GRIK4: variants seen among roughly 807,000 people sequenced by gnomAD.
GRIK4 encodes glutamate receptor ionotropic, kainate 4.
GRIK4 carries 40 observed loss-of-function variants against 104.9 expected under a neutral mutation model. That is an observed-to-expected ratio of 0.38 (90% CI 0.30 to 0.50). The LOEUF is 0.50. Ranked by LOEUF, GRIK4 falls within the 20% of genes least tolerant of loss-of-function variation. GRIK4 has a pLI of 0.93. For synonymous variants in GRIK4, 485 were observed against 524.9 expected (o/e 0.92, Z 1.04); for missense variants, 1,047 against 1,308.1 (o/e 0.80, Z 3.08).
chr11:120,774,060 A>G (rs959532216), intron 3 of GRIK4, among the ~76,000 whole-genome samples: 4 of 152,226 alleles, frequency 2.6e-5, no homozygotes, highest in African/African-American at 9.6e-5. Flanking sequence ...AGCTACAAAC[A>G]TCAGGATTAG....
intron 1 of GRIK4, chr11:120,620,104 T>C (rs549399465): frequency 5.3e-6 from 4 of 754,286 alleles, no homozygotes; most frequent in African/African-American, 5.1e-5. Context: ...ATTGGTTTCG[T>C]TCTCAGCAAA....
rs974766677 is a variant in GRIK4 at position 120,967,641 on chromosome 11, G to A, written c.2395+318G>A. ...TCTCCACACCTGTGCAGTCACAGTC[G>A]CCTGGTTTCAGTTTCCCATTCTTGC... On this transcript the variant is annotated intron_variant, in intron 19 of 20. Transcript: ENST00000527524. The surrounding 1 kb of genome is among the most constrained non-coding windows in gnomAD (Gnocchi z 4.2). Among the ~76,000 whole-genome samples the A allele has an allele frequency of 6.6e-6, 1 of 152,094 alleles. No individual in the cohort carries two copies. Among genetic ancestry groups the A allele is most frequent in the Non-Finnish European group, 1.5e-5 (1 of 68,014 alleles).
chr11:120,865,698 C>G (rs140583879), intron 9 of GRIK4, among the ~76,000 whole-genome samples: 1 of 151,622 alleles, frequency 6.6e-6, no homozygotes, highest in Non-Finnish European at 1.5e-5. Flanking sequence ...TGTACTCTCC[C>G]TTTTAGAGGA....
intron 3 of GRIK4, among the ~76,000 whole-genome samples, chr11:120,695,816 G>A (rs115999060): frequency 6.6e-6 from 1 of 152,354 alleles, no homozygotes; most frequent in Non-Finnish European, 1.5e-5. Flanking sequence ...CCGCCATGCA[G>A]ATAACTGAGG....
At chr11:120,976,434 TG>T (rs1944561993) in intron 19 of GRIK4, among the ~76,000 whole-genome samples, 1 of 152,232 alleles carries the variant, frequency 6.6e-6, no homozygotes, top group Non-Finnish European at 1.5e-5. Context: ...TTGAATTTTC[TG>T]GGAAGATCAT....
chr11:120,741,382 G>A (rs1299695953), intron 3 of GRIK4, among the ~76,000 whole-genome samples: 2 of 149,580 alleles, frequency 1.3e-5, no homozygotes, highest in African/African-American at 4.9e-5. Flanking sequence ...AGGTTCAAGC[G>A]ATTCTCCTGC....
intron 3 of GRIK4, among the ~76,000 whole-genome samples, chr11:120,699,682 A>G (rs150355065): frequency 7.5e-4 from 115 of 152,320 alleles, no homozygotes; most frequent in African/African-American, 2.7e-3. Context: ...CAGGGTGGGC[A>G]TGGAAAACCT....
intron 13 of GRIK4, among the ~76,000 whole-genome samples, chr11:120,916,148 T>C (rs1448348702): frequency 1.3e-5 from 2 of 152,226 alleles, no homozygotes; most frequent in East Asian, 3.8e-4. Flanking sequence ...ACTTCTGTCC[T>C]CAACCCTCTT....
intron 3 of GRIK4, among the ~76,000 whole-genome samples, chr11:120,703,790 C>T (rs1427981078): frequency 6.6e-6 from 1 of 152,182 alleles, no homozygotes; most frequent in African/African-American, 2.4e-5. Flanking sequence ...GTGCTGCTTT[C>T]TGAATCTCTT....
intron 3 of GRIK4, among the ~76,000 whole-genome samples, chr11:120,754,718 G>C (rs941735408): frequency 6.6e-6 from 1 of 152,050 alleles, no homozygotes; most frequent in African/African-American, 2.4e-5. Context: ...CAATGTATGA[G>C]GGTTCTAATT....
At chr11:120,836,733 C>CA in intron 7 of GRIK4, 58 bp from the exon 8 acceptor site, 1 of 1,100,796 alleles carries the variant, frequency 9.1e-7, no homozygotes, top group East Asian at 2.3e-5. Flanking sequence ...CCCTACTGCT[C>CA]ATTTGCTTCA....
At chr11:120,668,167 ATAGG>A (rs1949952031) in intron 3 of GRIK4, among the ~76,000 whole-genome samples, 1 of 152,004 alleles carries the variant, frequency 6.6e-6, no homozygotes, top group African/African-American at 2.4e-5. Context: ...AGATAAGTAC[ATAGG>A]TAGGTAGATA....
chr11:120,897,556 C>T (rs1248166748), intron 11 of GRIK4, among the ~76,000 whole-genome samples: 4 of 114,618 alleles, frequency 3.5e-5, no homozygotes, highest in African/African-American at 1.0e-4. Flanking sequence ...GAGCCGAGAT[C>T]GCACAACTAG....
intron 1 of GRIK4, among the ~76,000 whole-genome samples, chr11:120,606,021 C>A (rs1948956349): frequency 6.6e-6 from 1 of 152,184 alleles, no homozygotes; most frequent in Admixed American, 6.5e-5. Context: ...ATCTCCCTTC[C>A]TGAGAAATGA....
chr11:120,898,873 C>T (rs546072686), intron 12 of GRIK4, among the ~76,000 whole-genome samples: 1 of 152,252 alleles, frequency 6.6e-6, no homozygotes, highest in South Asian at 2.1e-4. Context: ...TTTGTGGATG[C>T]CTCTTGGAGG....
At chr11:120,667,200 C>G (rs1283179370) in intron 3 of GRIK4, among the ~76,000 whole-genome samples, 1 of 152,220 alleles carries the variant, frequency 6.6e-6, no homozygotes, top group Non-Finnish European at 1.5e-5. Context: ...ATCATTGTGT[C>G]CTCATTAATA....
At chr11:120,875,284 C>A in intron 11 of GRIK4, 41 bp downstream of exon 11, 1 of 1,233,474 alleles carries the variant, frequency 8.1e-7, no homozygotes, top group Non-Finnish European at 1.2e-6. Flanking sequence ...GTCCTCCTCT[C>A]TGTTCCATTT....
At chr11:120,527,664 T>G (rs1750069701) in intron 1 of GRIK4, among the ~76,000 whole-genome samples, 1 of 152,240 alleles carries the variant, frequency 6.6e-6, no homozygotes, top group Non-Finnish European at 1.5e-5. Context: ...CCAGACAGCC[T>G]CGCTCACACT....
rs568867558 is a variant in GRIK4 at position 120,876,618 on chromosome 11, T to C, written c.1164+1375T>C. On this transcript the variant is annotated intron_variant, in intron 11 of 20. Coordinates refer to ENST00000527524, the MANE Select transcript of GRIK4 (RefSeq NM_014619.5). The stretch of plus-strand genomic sequence containing the variant: ...ACCCTACAAAATAGATACTTTTTAT[T>C]AGTCCCAATTTTATACTTGAAGAAA... Among the ~76,000 whole-genome samples, 7 of 152,086 alleles carry C rather than the reference T, an allele frequency of 4.6e-5. No homozygotes were observed. The South Asian group carries it at 1.5e-3, about 32-fold the overall frequency.
Sources: allele counts gnomAD v4.1 joint callset (sites outside exome capture counted in the v4.1 genomes callset), GRCh38; gene constraint gnomAD v4.1.1; non-coding constraint Gnocchi (gnomAD v3.1); transcripts MANE v1.5; gene names NCBI Gene and HGNC (gene_info 2026-07-23, HGNC 2026-07-21).